Variants in TACR1 observed in about 807,000 individuals in gnomAD.
TACR1 encodes the protein substance-P receptor.
In TACR1, 25 loss-of-function variants were observed where a neutral mutation model predicts 35.8. The ratio of observed to expected loss-of-function variants is 0.70; its 90% CI spans 0.51 to 0.98. The LOEUF is 0.98. Among genes scored for constraint, TACR1 ranks in the 50% least tolerant of loss-of-function variants. The pLI is 0.00. For missense variants in TACR1, 478 were observed against 522.9 expected (o/e 0.91, Z 0.84); for synonymous variants, 195 against 206.7 (o/e 0.94, Z 0.48).
chr2:75,080,530 A>G (rs186761091), intron 2 of TACR1, among the ~76,000 whole-genome samples: 16 of 152,310 alleles, frequency 1.1e-4, no homozygotes, highest in Non-Finnish European at 7.4e-5. Flanking sequence ...TGCCCATTAT[A>G]TAAGAGCATT....
At chr2:75,159,745 C>T (rs10194954) in intron 1 of TACR1, among the ~76,000 whole-genome samples, 84,037 of 151,804 alleles carry the variant, frequency 0.55, 23,456 homozygotes, top group Non-Finnish European at 0.57. Context: ...CTACAATTAC[C>T]CATAAAATGT....
intron 2 of TACR1, among the ~76,000 whole-genome samples, chr2:75,089,938 C>T (rs564588725): frequency 6.6e-6 from 1 of 152,164 alleles, no homozygotes; most frequent in African/African-American, 2.4e-5. Context: ...AATGCACCAG[C>T]AGCTCATTAC....
chr2:75,053,666 G>A lies in TACR1; in HGVS notation c.674C>T (p.Ala225Val), dbSNP rs1021820513. The A allele has an allele frequency of 1.9e-6, 3 of 1,609,626 alleles. No individual in the cohort carries two copies. The highest frequency in any genetic ancestry group is 1.7e-4 in the Middle Eastern group (1 of 6,040). The change falls in exon 3 of 5, where the codon GCC (alanine) becomes GTC (valine). Residue 225 changes from alanine (A) to valine (V), a missense_variant. Transcript: ENST00000305249. Reference sequence around the variant, plus strand: ...AGAGGAGTCCCCGGGGATCTCACTGGCCCATAGTGTGATTCCCACTACGGT... The same window carrying A: ...AGAGGAGTCCCCGGGGATCTCACTGACCCATAGTGTGATTCCCACTACGGT... ...AYTVVGITLW[A>V]SEIPGDSSDR...
At chr2:75,082,844 G>C (rs1673117269) in intron 2 of TACR1, among the ~76,000 whole-genome samples, 1 of 152,136 alleles carries the variant, frequency 6.6e-6, no homozygotes, top group Non-Finnish European at 1.5e-5. Flanking sequence ...CAGATGAGTA[G>C]ATTGCAAAAA....
chr2:75,176,126 A>G (rs570801772), intron 1 of TACR1, among the ~76,000 whole-genome samples: 2 of 151,816 alleles, frequency 1.3e-5, no homozygotes, highest in Non-Finnish European at 2.9e-5. Flanking sequence ...TAGCAGATTC[A>G]TCCTCTATCC....
rs191377904 is a variant in TACR1 at position 75,170,810 on chromosome 2, T to C, written c.389+27736A>G. Among the ~76,000 whole-genome samples the C allele has an allele frequency of 1.2e-3, 184 of 152,298 alleles. 2 individuals carry two copies. In the East Asian group the frequency reaches 0.016, roughly 13 times the overall value. On this transcript the variant is annotated intron_variant, in intron 1 of 4. Transcript: ENST00000305249. ...AACTTTGAACTTGAGAGAGATGATT[T>C]AGGGCATCTGGCGGAAGAAATTTCT...
Position 75,129,253 on chromosome 2 carries a change from G to A in TACR1, c.390-8485C>T, listed in dbSNP as rs540993997. Among the ~76,000 whole-genome samples, 6 of 152,280 alleles carry A rather than the reference G, an allele frequency of 3.9e-5. No homozygotes were observed. The East Asian group carries it at 7.7e-4, about 20-fold the overall frequency. ...AAAATTGTTGACACTGTGCTTTTTG[G>A]CCGCTGCTGTCACTGCAGTATTGAG... On this transcript the variant is annotated intron_variant, in intron 1 of 4. Coordinates refer to ENST00000305249, the MANE Select transcript of TACR1 (RefSeq NM_001058.4).
intron 2 of TACR1, chr2:75,090,994 C>T (rs771911906): frequency 3.3e-5 from 5 of 152,038 alleles, no homozygotes; most frequent in Non-Finnish European, 7.4e-5. Context: ...CACTTCTCAC[C>T]TTATCTGAAA....
Position 75,049,501 on chromosome 2 carries a change from G to A in TACR1, c.1155C>T (p.Asn385=). ...ATPSSLDLTS[N]CSSRSDSKTM... is the part of the protein sequence containing the mutation. ...TCTTGGAGTCACTTCGTGAAGAGCA[G>A]TTGGAGGTCAGGTCCAGGGACGAGG... Residue 385 remains asparagine, a synonymous_variant, in exon 5 of 5, where the codon AAC becomes AAT. Coordinates refer to ENST00000305249, the MANE Select transcript of TACR1 (RefSeq NM_001058.4). 1 of 1,614,200 alleles carries A rather than the reference G, an allele frequency of 6.2e-7. No homozygotes were observed. Among genetic ancestry groups the A allele is most frequent in the Non-Finnish European group, 8.5e-7 (1 of 1,179,980 alleles).
chr2:75,124,132 C>T (rs1244633512), intron 1 of TACR1, among the ~76,000 whole-genome samples: 1 of 152,176 alleles, frequency 6.6e-6, no homozygotes, highest in African/African-American at 2.4e-5. Flanking sequence ...TGGTTCCAGT[C>T]CCACTGAGGG....
intron 2 of TACR1, among the ~76,000 whole-genome samples, chr2:75,068,597 G>A (rs1572909789): frequency 6.6e-6 from 1 of 152,066 alleles, no homozygotes; most frequent in Non-Finnish European, 1.5e-5. Context: ...TATATGCCAG[G>A]CTCTCTTTTA....
chr2:75,050,133 A>AGTAGCCT (rs1042390921), intron 4 of TACR1, among the ~76,000 whole-genome samples: 65 of 152,324 alleles, frequency 4.3e-4, no homozygotes, highest in African/African-American at 1.5e-3. Flanking sequence ...CTTCCCCTCG[A>AGTAGCCT]GTAGCCTGTT....
chr2:75,105,318 G>T (rs1015067920), intron 2 of TACR1, among the ~76,000 whole-genome samples: 36 of 152,122 alleles, frequency 2.4e-4, no homozygotes, highest in Middle Eastern at 3.4e-3. Context: ...TTGACATGTG[G>T]ACTCTAAAAC....
intron 1 of TACR1, among the ~76,000 whole-genome samples, chr2:75,143,623 A>G (rs909034417): frequency 6.6e-6 from 1 of 152,236 alleles, no homozygotes; most frequent in African/African-American, 2.4e-5. Flanking sequence ...CTCCTGTTAC[A>G]GATGAAGAAA....
At chr2:75,075,462 A>C (rs72918507) in intron 2 of TACR1, among the ~76,000 whole-genome samples, 2,699 of 152,352 alleles carry the variant, frequency 0.018, 71 homozygotes, top group African/African-American at 0.06. Flanking sequence ...GAAGAGAGGG[A>C]TTCTATGACC....
intron 2 of TACR1, among the ~76,000 whole-genome samples, chr2:75,079,374 G>A (rs1346619535): frequency 6.6e-6 from 1 of 151,916 alleles, no homozygotes; most frequent in East Asian, 1.9e-4. Flanking sequence ...TTCCCCATTC[G>A]TGCCAGATTT....
chr2:75,164,266 G>T (rs1675084124), intron 1 of TACR1, among the ~76,000 whole-genome samples: 1 of 151,132 alleles, frequency 6.6e-6, no homozygotes, highest in African/African-American at 2.4e-5. Flanking sequence ...GGCAGAGCTT[G>T]CAGTGAGCTG....
At position 75,100,116 on chromosome 2, in the gene TACR1, CA is replaced by C. The variant is rs1673507396; in HGVS notation, c.584+20457del. Among the ~76,000 whole-genome samples, 3 of 152,064 alleles carry C rather than the reference CA, an allele frequency of 2.0e-5. No homozygotes were observed. The South Asian group carries it at 6.2e-4, about 32-fold the overall frequency. On this transcript the variant is annotated intron_variant, in intron 2 of 4. Coordinates refer to ENST00000305249, the MANE Select transcript of TACR1 (RefSeq NM_001058.4). The stretch of plus-strand genomic sequence containing the variant: ...ACACACATCACACACTCCACATAGC[CA>C]TGCTGAGTTTTTTCAGAGAGGCAGG...
Position 75,179,894 on chromosome 2 carries a change from T to C in TACR1, c.389+18652A>G, listed in dbSNP as rs576870369. ...ACTGCATGATAAAGCCATTGAGATTTGGGGGTTTGCCTGTTACTCCAGCAT... is the reference window on the plus strand; with the variant it reads ...ACTGCATGATAAAGCCATTGAGATTCGGGGGTTTGCCTGTTACTCCAGCAT... On this transcript the variant is annotated intron_variant, in intron 1 of 4. Transcript: ENST00000305249. Among the ~76,000 whole-genome samples, 6 of 152,308 alleles carry C rather than the reference T, an allele frequency of 3.9e-5. No individual in the cohort carries two copies. In the South Asian group the frequency reaches 1.0e-3, roughly 26 times the overall value.
Sources: allele counts gnomAD v4.1 joint callset (sites outside exome capture counted in the v4.1 genomes callset), GRCh38; gene constraint gnomAD v4.1.1; transcripts MANE v1.5; gene names NCBI Gene and HGNC (gene_info 2026-07-23, HGNC 2026-07-21).